Variants in FBXO36 observed in about 807,000 individuals in gnomAD.
FBXO36 encodes F-box only protein 36.
In FBXO36, 18 loss-of-function variants were observed where a neutral mutation model predicts 17.0. The observed-to-expected ratio is 1.06, with a 90% CI of 0.73 to 1.57. The LOEUF (loss-of-function observed/expected upper bound fraction) is 1.57. FBXO36 is among the 40% of genes most tolerant of loss of function. The pLI is 0.00. For missense variants in FBXO36, 229 were observed against 221.9 expected (o/e 1.03, Z -0.20); for synonymous variants, 83 against 85.3 (o/e 0.97, Z 0.15).
At chr2:229,973,931 T>C (rs2077194334) in intron 1 of FBXO36, among the ~76,000 whole-genome samples, 1 of 151,484 alleles carries the variant, frequency 6.6e-6, no homozygotes, top group African/African-American at 2.4e-5. Context: ...GCGCCTGTGG[T>C]CCCAGCTACT....
intron 1 of FBXO36, among the ~76,000 whole-genome samples, chr2:229,944,749 C>T (rs1472599887): frequency 6.6e-6 from 1 of 151,828 alleles, no homozygotes; most frequent in East Asian, 1.9e-4. Flanking sequence ...CCCACCACCA[C>T]GCCCGGCTAA....
intron 1 of FBXO36, chr2:229,937,828 A>G (rs2076972459): frequency 1.3e-5 from 2 of 151,970 alleles, no homozygotes; most frequent in African/African-American, 4.8e-5. Context: ...CTCAGGGGCC[A>G]TGCTAATCTC....
At chr2:229,936,016 C>T (rs1393376820) in intron 1 of FBXO36, among the ~76,000 whole-genome samples, 1 of 152,028 alleles carries the variant, frequency 6.6e-6, no homozygotes, top group Non-Finnish European at 1.5e-5. Context: ...GGCAAAACCC[C>T]GTCTCTACTA....
intron 2 of FBXO36, among the ~76,000 whole-genome samples, chr2:229,991,986 A>G (rs1228568899): frequency 6.6e-6 from 1 of 152,184 alleles, no homozygotes; most frequent in East Asian, 1.9e-4. Flanking sequence ...GAGGCAGAGA[A>G]TGTTCAAAAG....
chr2:229,971,112 G>T (rs932591854), intron 1 of FBXO36, among the ~76,000 whole-genome samples: 2 of 152,220 alleles, frequency 1.3e-5, no homozygotes, highest in Non-Finnish European at 2.9e-5. Flanking sequence ...TCAGCACTTT[G>T]GTAGGCCGAG....
intron 1 of FBXO36, among the ~76,000 whole-genome samples, chr2:229,941,603 A>G (rs1356302154): frequency 6.7e-6 from 1 of 148,368 alleles, no homozygotes; most frequent in Non-Finnish European, 1.5e-5. Flanking sequence ...GGAGAGGCGA[A>G]AAAAAAAAAA....
At chr2:229,965,729 A>G (rs992532334) in intron 1 of FBXO36, among the ~76,000 whole-genome samples, 1 of 152,172 alleles carries the variant, frequency 6.6e-6, no homozygotes, top group Admixed American at 6.6e-5. Flanking sequence ...GCTGCATAGT[A>G]TTCTACGGTG....
chr2:229,947,264 T>C (rs1410581929), intron 1 of FBXO36, among the ~76,000 whole-genome samples: 3 of 152,214 alleles, frequency 2.0e-5, no homozygotes, highest in African/African-American at 7.2e-5. Flanking sequence ...AGGTTGTGAC[T>C]ATATGATATG....
intron 3 of FBXO36, among the ~76,000 whole-genome samples, chr2:229,999,859 C>T (rs535032697): frequency 1.4e-4 from 21 of 152,076 alleles, no homozygotes; most frequent in African/African-American, 4.8e-4. Context: ...CCTCTTCCTC[C>T]CACCCTCCAC....
intron 1 of FBXO36, among the ~76,000 whole-genome samples, chr2:229,943,821 T>C (rs1402482889): frequency 1.3e-5 from 2 of 152,128 alleles, no homozygotes; most frequent in African/African-American, 4.8e-5. Flanking sequence ...TTCCCCCAAA[T>C]ATGGTTTGGA....
In FBXO36 at chr2:229,922,519, G is replaced by A. The variant is rs758158081; in HGVS notation, c.6G>A (p.Ala2=). ...GACGGCGGTGGCGTCCCAAGATGGC[G>A]TCGTGGCTGCCGGAGACTCTCTTTG... M[A]SWLPETLFET... The change falls in exon 1 of 4, where the codon GCG becomes GCA. Residue 2 remains alanine (A), a synonymous_variant. Transcript: ENST00000283946. 4.3e-6 allele frequency: 7 copies of A among 1,613,720 alleles called. No homozygotes were observed. The highest frequency in any genetic ancestry group is 1.3e-5 in the African/African-American group (1 of 74,906).
chr2:229,923,417 C>A (rs2076847137), intron 1 of FBXO36, among the ~76,000 whole-genome samples: 1 of 152,272 alleles, frequency 6.6e-6, no homozygotes, highest in East Asian at 1.9e-4. Context: ...GCTGAGTTTA[C>A]GCCTGTCACT....
intron 1 of FBXO36, among the ~76,000 whole-genome samples, chr2:229,934,388 G>C (rs1294071552): frequency 6.6e-6 from 1 of 152,084 alleles, no homozygotes; most frequent in Non-Finnish European, 1.5e-5. Flanking sequence ...GCGACAGAGC[G>C]AGACTCTGTC....
chr2:229,925,118 A>AT (rs1240677136), intron 1 of FBXO36, among the ~76,000 whole-genome samples: 126 of 151,102 alleles, frequency 8.3e-4, no homozygotes, highest in African/African-American at 3.0e-3. Flanking sequence ...TTATTTATTT[A>AT]TTTATTTTTT....
chr2:230,010,620 C>T lies in FBXO36; in HGVS notation c.379-76C>T, dbSNP rs942670887. On this transcript the variant is annotated intron_variant, in intron 3 of 3. Transcript: ENST00000283946. ...GGCACAGGTAGTGTTTCTCCAGTGTCCCACAGGCAGCAAGAGTTTGATAAT... is the reference window on the plus strand; with the variant it reads ...GGCACAGGTAGTGTTTCTCCAGTGTTCCACAGGCAGCAAGAGTTTGATAAT... The T allele has an allele frequency of 6.6e-6, 9 of 1,356,312 alleles. No homozygotes were observed. In the South Asian group the frequency reaches 1.2e-4, roughly 18 times the overall value. The allele number at this position is 1,356,312 out of a possible 1,614,324, so 84.0% of individuals were successfully genotyped here.
At chr2:229,942,097 A>T (rs2077002606) in intron 1 of FBXO36, among the ~76,000 whole-genome samples, 1 of 152,094 alleles carries the variant, frequency 6.6e-6, no homozygotes, top group Non-Finnish European at 1.5e-5. Context: ...GCTAAGTGTG[A>T]CCTTGAAGCT....
At chr2:229,999,641 G>C (rs1258785718) in intron 3 of FBXO36, among the ~76,000 whole-genome samples, 2 of 151,622 alleles carry the variant, frequency 1.3e-5, no homozygotes, top group African/African-American at 4.8e-5. Context: ...GCCTCCCAAA[G>C]TGCTGAGATT....
chr2:229,937,075 CATT>C (rs2076967647), intron 1 of FBXO36, among the ~76,000 whole-genome samples: 1 of 152,088 alleles, frequency 6.6e-6, no homozygotes. Context: ...TAGGTCATAT[CATT>C]ATTTTATATA....
intron 3 of FBXO36, among the ~76,000 whole-genome samples, chr2:230,003,164 C>T (rs564062682): frequency 2.4e-4 from 35 of 144,254 alleles, no homozygotes; most frequent in African/African-American, 9.1e-4. Context: ...GACCCAAGAT[C>T]GGGCCACCGC....
Sources: allele counts gnomAD v4.1 joint callset (sites outside exome capture counted in the v4.1 genomes callset), GRCh38; gene constraint gnomAD v4.1.1; transcripts MANE v1.5; gene names NCBI Gene and HGNC (gene_info 2026-07-23, HGNC 2026-07-21).